Variants in TBC1D23 observed in about 807,000 individuals in gnomAD.
TBC1D23 encodes the protein TBC1 domain family member 23.
In TBC1D23, 55 loss-of-function variants were observed where a neutral mutation model predicts 91.4. That is an observed-to-expected ratio of 0.60 (90% CI 0.48 to 0.75). The LOEUF is 0.75. Ranked by LOEUF, TBC1D23 falls within the 30% of genes least tolerant of loss-of-function variation. The probability of loss-of-function intolerance (pLI) is 0.00; values close to 1 mark genes in which losing one functional copy is unlikely to be tolerated. For synonymous variants in TBC1D23, 289 were observed against 281.0 expected, an observed-to-expected ratio of 1.03 and a Z score of -0.28; for missense variants, 725 against 836.1, an observed-to-expected ratio of 0.87 and a Z score of 1.64.
intron 1 of TBC1D23, among the ~76,000 whole-genome samples, chr3:100,266,274 AT>A (rs765539211): frequency 4.8e-4 from 70 of 146,374 alleles, no homozygotes; most frequent in Non-Finnish European, 4.7e-4. Flanking sequence ...TTTAAAGGTA[AT>A]TTTTTTTTTT....
rs571778463 is a variant in TBC1D23 at position 100,263,765 on chromosome 3, T to A, written c.53+2694T>A. On this transcript the variant is annotated intron_variant, in intron 1 of 18. Transcript: ENST00000394144. ...TCATAAACTGGCGGTAACCAGCTCATAGAGTGCCATGAGGGGAAATGTTTC... is the reference window on the plus strand; with the variant it reads ...TCATAAACTGGCGGTAACCAGCTCAAAGAGTGCCATGAGGGGAAATGTTTC... Among the ~76,000 whole-genome samples the A allele has an allele frequency of 1.4e-3, 220 of 152,302 alleles. 1 individual carries two copies. Among genetic ancestry groups the A allele is most frequent in the Non-Finnish European group, 2.8e-3 (192 of 68,016 alleles).
intron 11 of TBC1D23, among the ~76,000 whole-genome samples, chr3:100,304,172 TTA>T (rs1705478808): frequency 6.6e-6 from 1 of 152,170 alleles, no homozygotes; most frequent in Admixed American, 6.5e-5. Context: ...TTAATTTGTG[TTA>T]TAGAGTTCCC....
intron 14 of TBC1D23, among the ~76,000 whole-genome samples, chr3:100,311,040 G>T (rs1705616091): frequency 6.6e-6 from 1 of 152,128 alleles, no homozygotes. Flanking sequence ...GAGGGACATG[G>T]TTAACAATTT....
intron 1 of TBC1D23, among the ~76,000 whole-genome samples, chr3:100,275,026 A>G (rs181395410): frequency 8.6e-4 from 131 of 151,694 alleles, no homozygotes; most frequent in African/African-American, 2.8e-3. Flanking sequence ...TCTGCCTTCA[A>G]TTCTTTCAGA....
chr3:100,316,308 G>C, intron 16 of TBC1D23, 121 bp downstream of exon 16: 1 of 720,268 alleles, frequency 1.4e-6, no homozygotes, highest in Admixed American at 2.5e-5. Context: ...GAAATAATTG[G>C]AGAATCTGTG....
chr3:100,285,057 G>T (rs1172076397), intron 4 of TBC1D23, among the ~76,000 whole-genome samples: 1 of 151,990 alleles, frequency 6.6e-6, no homozygotes. Context: ...TGTTTTGTAT[G>T]GTTCTCTACC....
chr3:100,264,177 GT>G (rs781250459), intron 1 of TBC1D23, among the ~76,000 whole-genome samples: 7 of 151,986 alleles, frequency 4.6e-5, no homozygotes, highest in Non-Finnish European at 1.0e-4. Flanking sequence ...GTTTTGTTTT[GT>G]TTTGTTGAAG....
At chr3:100,298,535 C>T (rs1288267146) in intron 9 of TBC1D23, among the ~76,000 whole-genome samples, 1 of 152,058 alleles carries the variant, frequency 6.6e-6, no homozygotes, top group African/African-American at 2.4e-5. Flanking sequence ...AGTAGTGCAG[C>T]AGTTAACCAT....
At chr3:100,323,483 G>T (rs1231167007) in intron 18 of TBC1D23, 104 bp from the exon 19 acceptor site, 2 of 442,814 alleles carry the variant, frequency 4.5e-6, no homozygotes, top group Admixed American at 1.0e-4. Flanking sequence ...CTTCCCATTG[G>T]AGGTGACCTA....
chr3:100,267,645 C>G (rs1053490870), intron 1 of TBC1D23, among the ~76,000 whole-genome samples: 1 of 152,116 alleles, frequency 6.6e-6, no homozygotes, highest in African/African-American at 2.4e-5. Context: ...GGTTGAGCAT[C>G]CCTAATCAAA....
At chr3:100,262,575 A>G (rs2067520537) in intron 1 of TBC1D23, among the ~76,000 whole-genome samples, 1 of 152,024 alleles carries the variant, frequency 6.6e-6, no homozygotes, top group Non-Finnish European at 1.5e-5. Context: ...GAATATAAAA[A>G]TTAGCCGGGC....
intron 11 of TBC1D23, 134 bp from the exon 12 acceptor site, chr3:100,304,712 A>C: frequency 6.3e-6 from 4 of 631,200 alleles, no homozygotes; most frequent in Non-Finnish European, 1.1e-5. Context: ...CCAAAGTCCA[A>C]AATGTCAAGG....
intron 13 of TBC1D23, among the ~76,000 whole-genome samples, 173 bp from the exon 14 acceptor site, chr3:100,310,230 T>C (rs899714367): frequency 6.6e-6 from 1 of 152,218 alleles, no homozygotes; most frequent in African/African-American, 2.4e-5. Context: ...TAATTATGCC[T>C]GTAGAGGCCT....
At chr3:100,320,051 T>C (rs1276359785) in intron 17 of TBC1D23, among the ~76,000 whole-genome samples, 3 of 152,180 alleles carry the variant, frequency 2.0e-5, no homozygotes, top group Non-Finnish European at 4.4e-5. Context: ...ATCCAGTTCA[T>C]GGTTTACACA....
chr3:100,294,581 A>C (rs2067821615), intron 5 of TBC1D23, among the ~76,000 whole-genome samples: 1 of 152,126 alleles, frequency 6.6e-6, no homozygotes, highest in African/African-American at 2.4e-5. Context: ...CAAGTGATGT[A>C]CAAGTGAGCT....
At position 100,320,923 on chromosome 3, in the gene TBC1D23, A is replaced by C. The variant is rs896523292; in HGVS notation, c.1970A>C (p.Lys657Thr). ...AAACATCCTGAACTCATTACCTTCA[A>C]GTATGGAAATAGCAGTGCTTCAGGA... Reference protein sequence around the residue: ...KKKHPELITFKYGNSSASGIE... With the variant: ...KKKHPELITFTYGNSSASGIE... Residue 657 changes from lysine (K) to threonine (T), a missense_variant, in exon 18 of 19, where the codon AAG becomes ACG. By Grantham distance (78) the Lys-to-Thr change is moderately conservative. Coordinates refer to ENST00000394144, the MANE Select transcript of TBC1D23 (RefSeq NM_001199198.3). 3 of 1,610,110 alleles carry C rather than the reference A, an allele frequency of 1.9e-6. No individual in the cohort carries two copies. Among genetic ancestry groups the C allele is most frequent in the Non-Finnish European group, 8.5e-7 (1 of 1,178,812 alleles).
At chr3:100,315,826 A>G (rs1017031136) in intron 15 of TBC1D23, 25 of 437,562 alleles carry the variant, frequency 5.7e-5, no homozygotes, top group Non-Finnish European at 1.0e-4. Context: ...CATTGGTTTT[A>G]ATATGGATAT....
intron 1 of TBC1D23, among the ~76,000 whole-genome samples, chr3:100,277,604 A>T (rs576532927): frequency 2.0e-5 from 3 of 152,358 alleles, no homozygotes; most frequent in African/African-American, 7.2e-5. Context: ...ATTACTTCAA[A>T]AAGAAAAGGA....
Position 100,295,284 on chromosome 3 carries a change from T to C in TBC1D23, c.726-18T>C, listed in dbSNP as rs2067829385. The C allele has an allele frequency of 1.9e-6, 3 of 1,607,062 alleles. No individual in the cohort carries two copies. The highest frequency in any genetic ancestry group is 2.5e-6 in the Non-Finnish European group (3 of 1,177,882). On this transcript the variant is annotated intron_variant, in intron 6 of 18. Coordinates refer to ENST00000394144, the MANE Select transcript of TBC1D23 (RefSeq NM_001199198.3). ...TCTGTTAATATTTAACTCAAATTGA[T>C]TTGATTCCCTTTTACAGAGAAGTTA...
Sources: gnomAD v4.1 joint callset for allele counts (sites outside exome capture counted in the v4.1 genomes callset) on GRCh38, gnomAD v4.1.1 for gene constraint, MANE v1.5 for transcripts, NCBI Gene and HGNC (gene_info 2026-07-23, HGNC 2026-07-21) for gene names.